LRCH2: variants seen among roughly 807,000 people sequenced by gnomAD.
LRCH2 encodes leucine-rich repeat and calponin homology domain-containing protein 2.
LRCH2 carries 38 observed loss-of-function variants against 68.9 expected under a neutral mutation model. That is an observed-to-expected ratio of 0.55 (90% CI 0.43 to 0.72). The LOEUF is 0.72. LRCH2 is among the 30% of genes least tolerant of loss of function. LRCH2 has a pLI of 0.00. For synonymous variants in LRCH2, 191 were observed against 208.1 expected, an observed-to-expected ratio of 0.92 and a Z score of 0.71; for missense variants, 528 against 572.9, an observed-to-expected ratio of 0.92 and a Z score of 0.80.
rs184007528 is a variant in LRCH2 at position 115,190,670 on chromosome X, G to C, written c.350-2300C>G. 185 of 1,147,803 alleles carry C rather than the reference G, an allele frequency of 1.6e-4. 1 individual carries two copies. The African/African-American group carries it at 3.2e-3, about 20-fold the overall frequency. 94.6% of individuals were successfully genotyped at this position (1,147,803 alleles called of 1,213,427 possible). ...GGGGGCCGCAACAGTTCCAGCAACA[G>C]TTACGGCCAGAGCCACCACTATGGA... On this transcript the variant is annotated intron_variant, in intron 1 of 20. Transcript: ENST00000317135.
At chrX:115,122,269 T>C (rs1185025987) in intron 20 of LRCH2, among the ~76,000 whole-genome samples, 6 of 109,585 alleles carry the variant, frequency 5.5e-5, no homozygotes, top group Non-Finnish European at 7.6e-5. Flanking sequence ...GTTGTAAATA[T>C]GGCCACCGAG....
rs71986178 is a variant in LRCH2 at position 115,161,930 on chromosome X, G to GTT, written c.1463+1744_1463+1745dup. On this transcript the variant is annotated intron_variant, in intron 11 of 20. Transcript: ENST00000317135. ...ACGAGAAAAATGGATAGGCCTGTCG[G>GTT]TTTTTTTTTTTTTTTTTTGAGATCT... is the stretch of plus-strand genomic sequence containing the variant. 8.2e-3 allele frequency among the ~76,000 whole-genome samples: 675 copies of GTT among 82,702 alleles called. 14 individuals carry two copies. The highest frequency in any genetic ancestry group is 0.016 in the African/African-American group (357 of 22,095). 71.8% of individuals were successfully genotyped at this position (82,702 alleles called of 115,157 possible). A position where few individuals can be genotyped will look rare whatever the true frequency, so the allele number is the denominator to read the frequency against.
intron 1 of LRCH2, among the ~76,000 whole-genome samples, chrX:115,222,579 T>G (rs1298110072): frequency 8.9e-6 from 1 of 112,369 alleles, no homozygotes; most frequent in Non-Finnish European, 1.9e-5. Flanking sequence ...TAAAAATCAA[T>G]TGTATTTCTA....
intron 14 of LRCH2, among the ~76,000 whole-genome samples, chrX:115,146,087 C>A (rs1255613861): frequency 8.9e-6 from 1 of 112,004 alleles, no homozygotes; most frequent in Non-Finnish European, 1.9e-5. Context: ...TACACATACA[C>A]AATGGAGTAC....
At chrX:115,216,055 A>C (rs2073040141) in intron 1 of LRCH2, among the ~76,000 whole-genome samples, 1 of 111,818 alleles carries the variant, frequency 8.9e-6, no homozygotes, top group African/African-American at 3.2e-5. Flanking sequence ...AAAATAGTAA[A>C]AATTAGAAAC....
At chrX:115,214,395 C>G (rs1389231342) in intron 1 of LRCH2, among the ~76,000 whole-genome samples, 1 of 111,759 alleles carries the variant, frequency 8.9e-6, no homozygotes, top group African/African-American at 3.2e-5. Context: ...TCAACAGATG[C>G]CCTCTGCAAA....
chrX:115,193,584 C>T (rs1398405852), intron 1 of LRCH2, among the ~76,000 whole-genome samples: 4 of 112,085 alleles, frequency 3.6e-5, no homozygotes, highest in Non-Finnish European at 7.5e-5. Flanking sequence ...ATAACCATTA[C>T]TCCTATTAAG....
intron 1 of LRCH2, chrX:115,198,314 AAC>A (rs1428503316): frequency 8.9e-6 from 1 of 111,811 alleles, no homozygotes; most frequent in Admixed American, 9.5e-5. Context: ...TTCCCAGGAA[AAC>A]ACAATGCAAA....
chrX:115,112,530 T>C lies in LRCH2; in HGVS notation c.*686A>G, dbSNP rs1034971862. The C allele has an allele frequency of 9.0e-6, 1 of 111,605 alleles. No individual in the cohort carries two copies. The highest frequency in any genetic ancestry group is 4.3e-3 in the Middle Eastern group (1 of 235). The allele number at this position is 111,605 out of a possible 1,213,427, so 9.2% of individuals were successfully genotyped here. On this transcript the variant is annotated 3_prime_UTR_variant, in exon 21 of 21. Coordinates refer to ENST00000317135, the MANE Select transcript of LRCH2 (RefSeq NM_020871.4). ...TTAAATCCTCACATATTACTGACTT[T>C]ACAAAATCTACTAAAATATTTTAAA...
intron 12 of LRCH2, among the ~76,000 whole-genome samples, 191 bp from the exon 13 acceptor site, chrX:115,150,261 G>A (rs2072422266): frequency 9.0e-6 from 1 of 110,869 alleles, no homozygotes; most frequent in Non-Finnish European, 1.9e-5. Context: ...TTGCTCTACA[G>A]GAAATATCAA....
In LRCH2 at chrX:115,191,950, G is replaced by A. The variant is rs1370955637; in HGVS notation, c.350-3580C>T. 17 of 1,163,998 alleles carry A rather than the reference G, an allele frequency of 1.5e-5. No homozygotes were observed. In the African/African-American group the frequency reaches 2.7e-4, roughly 19 times the overall value. On this transcript the variant is annotated intron_variant, in intron 1 of 20. Transcript: ENST00000317135. ...CAACAGCGGAGGCCACTCACCCAAC[G>A]CCTACAGTGGGGGCCGTGACAGTTC...
chrX:115,233,815 G>C lies in LRCH2; in HGVS notation c.227C>G (p.Thr76Ser). Residue 76 changes from threonine (T) to serine (S), a missense_variant, in exon 1 of 21, where the codon ACC (threonine) becomes AGC (serine). Thr to Ser is a moderately conservative substitution (Grantham distance 58, BLOSUM62 1). Transcript: ENST00000317135. ...WNPGSLQPQH[T>S]VRSLDRALEE... ...CAGGGCCCGGTCCAGGCTCCTCACG[G>C]TGTGCTGAGGCTGCAGGCTCCCCGG... 8.5e-7 allele frequency: 1 copy of C among 1,170,393 alleles called. No homozygotes were observed. Among genetic ancestry groups the C allele is most frequent in the Non-Finnish European group, 1.1e-6 (1 of 874,391 alleles).
At chrX:115,191,972 G>T (rs2072835156) in intron 1 of LRCH2, 1 of 1,167,122 alleles carries the variant, frequency 8.6e-7, no homozygotes, top group African/African-American at 1.8e-5. Flanking sequence ...GGCCGTGACA[G>T]TTCCAGCAAC....
At chrX:115,158,563 C>T (rs1556540406) in intron 11 of LRCH2, among the ~76,000 whole-genome samples, 1 of 111,696 alleles carries the variant, frequency 9.0e-6, no homozygotes, top group African/African-American at 3.2e-5. Flanking sequence ...TTCCATGATC[C>T]TTAATTATAC....
intron 1 of LRCH2, among the ~76,000 whole-genome samples, chrX:115,211,106 G>C (rs959920296): frequency 1.8e-5 from 2 of 111,920 alleles, no homozygotes; most frequent in African/African-American, 6.5e-5. Flanking sequence ...AAGACTTTGT[G>C]TGACTGTTGG....
intron 6 of LRCH2, among the ~76,000 whole-genome samples, chrX:115,168,556 T>C (rs2072582164): frequency 8.9e-6 from 1 of 112,150 alleles, no homozygotes; most frequent in Non-Finnish European, 1.9e-5. Flanking sequence ...TTTTACTTTT[T>C]TCAAAATGGG....
chrX:115,196,244 C>A, intron 1 of LRCH2, among the ~76,000 whole-genome samples: 1 of 110,975 alleles, frequency 9.0e-6, no homozygotes, highest in East Asian at 2.9e-4. Context: ...GTGCAAACTG[C>A]CATACTAACA....
chrX:115,166,346 T>A lies in LRCH2; in HGVS notation c.999-4A>T, dbSNP rs782394794. 3.8e-5 allele frequency: 43 copies of A among 1,133,633 alleles called. No homozygotes were observed. The highest frequency in any genetic ancestry group is 4.6e-5 in the Non-Finnish European group (38 of 832,574). 93.4% of individuals were successfully genotyped at this position (1,133,633 alleles called of 1,213,427 possible). ...ATTTGGATAAAAATCTTCCATACTA[T>A]GGAAATAGAAATCCTAAGAGCAGTT... On this transcript the variant is annotated splice_polypyrimidine_tract_variant and splice_region_variant and intron_variant, in intron 6 of 20. Coordinates refer to ENST00000317135, the MANE Select transcript of LRCH2 (RefSeq NM_020871.4).
intron 6 of LRCH2, among the ~76,000 whole-genome samples, chrX:115,169,857 T>C (rs1367051760): frequency 9.0e-6 from 1 of 111,136 alleles, no homozygotes; most frequent in Non-Finnish European, 1.9e-5. Context: ...AAAGATGATA[T>C]ATCATTATAT....
Sources: gnomAD v4.1 joint callset for allele counts (sites outside exome capture counted in the v4.1 genomes callset) on GRCh38, gnomAD v4.1.1 for gene constraint, MANE v1.5 for transcripts, NCBI Gene and HGNC (gene_info 2026-07-23, HGNC 2026-07-21) for gene names.